Variants in CTPS2 observed in about 807,000 individuals in gnomAD.
CTPS2 encodes the protein CTP synthase 2, also known as CTP synthase II.
Under a neutral mutation model 46.8 loss-of-function variants are expected in CTPS2, and 19 were observed. The ratio of observed to expected loss-of-function variants is 0.41; its 90% confidence interval spans 0.28 to 0.60. The LOEUF (loss-of-function observed/expected upper bound fraction) is 0.60. Ranked by LOEUF, CTPS2 falls within the 20% of genes least tolerant of loss-of-function variation. CTPS2 has a pLI of 0.35. For synonymous variants in CTPS2, 151 were observed against 165.2 expected (o/e 0.91, Z 0.66); for missense variants, 286 against 447.6 (o/e 0.64, Z 3.26).
intron 2 of CTPS2, among the ~76,000 whole-genome samples, chrX:16,701,850 C>T (rs899365518): frequency 8.2e-5 from 9 of 110,032 alleles, no homozygotes; most frequent in Non-Finnish European, 1.3e-4. Flanking sequence ...CCGCCCGCCT[C>T]AGCCTCCCAA....
At chrX:16,607,911 G>A (rs1602129665) in intron 17 of CTPS2, among the ~76,000 whole-genome samples, 2 of 113,170 alleles carry the variant, frequency 1.8e-5, no homozygotes, top group South Asian at 7.1e-4. Context: ...AACTAGTATT[G>A]AAATGTAATG....
At chrX:16,705,843 C>T (rs1289465165) in intron 1 of CTPS2, among the ~76,000 whole-genome samples, 1 of 111,234 alleles carries the variant, frequency 9.0e-6, no homozygotes, top group Non-Finnish European at 1.9e-5. Flanking sequence ...TGGCTCACCC[C>T]TGTAATCCCA....
intron 14 of CTPS2, among the ~76,000 whole-genome samples, chrX:16,635,372 AC>A (rs1931689005): frequency 1.8e-5 from 2 of 111,997 alleles, no homozygotes; most frequent in South Asian, 7.4e-4. Context: ...AGAAAAAAAA[AC>A]GTTCATAAAA....
chrX:16,624,070 C>T (rs926778619), intron 14 of CTPS2, among the ~76,000 whole-genome samples: 30 of 109,758 alleles, frequency 2.7e-4, no homozygotes, highest in African/African-American at 9.3e-4. Context: ...GGATTACAGG[C>T]GTGAGCCACC....
intron 8 of CTPS2, among the ~76,000 whole-genome samples, chrX:16,687,474 CAAAAAAA>C (rs35798035): frequency 3.8e-3 from 168 of 44,400 alleles, no homozygotes; most frequent in African/African-American, 0.013. Flanking sequence ...CACCCTGTGT[CAAAAAAA>C]AAAAAAAAAA....
chrX:16,636,344 G>A (rs1012061227), intron 14 of CTPS2, among the ~76,000 whole-genome samples: 3 of 111,758 alleles, frequency 2.7e-5, no homozygotes, highest in African/African-American at 9.8e-5. Flanking sequence ...GCGGTGAGCC[G>A]AGATCATGCC....
intron 2 of CTPS2, among the ~76,000 whole-genome samples, chrX:16,700,511 G>A (rs1419804057): frequency 5.8e-5 from 6 of 103,303 alleles, no homozygotes; most frequent in Admixed American, 1.1e-4. Flanking sequence ...GCAGTGAGCC[G>A]AGGTCACACC....
At chrX:16,670,774 C>G in intron 10 of CTPS2, 100 bp from the exon 11 acceptor site, 1 of 512,735 alleles carries the variant, frequency 2.0e-6, no homozygotes. Flanking sequence ...TCACTAGTGA[C>G]TATGCTCAAG....
At chrX:16,615,486 TC>T (rs1196516146) in intron 16 of CTPS2, among the ~76,000 whole-genome samples, 1 of 111,717 alleles carries the variant, frequency 9.0e-6, no homozygotes, top group Non-Finnish European at 1.9e-5. Context: ...CTGTGATGTT[TC>T]CCCCGCCTTT....
intron 13 of CTPS2, among the ~76,000 whole-genome samples, chrX:16,647,945 A>G (rs1238714215): frequency 1.8e-5 from 2 of 109,883 alleles, no homozygotes; most frequent in East Asian, 2.9e-4. Context: ...CACAAAATAT[A>G]TATATATGTA....
intron 13 of CTPS2, among the ~76,000 whole-genome samples, chrX:16,647,686 C>A (rs1379614687): frequency 1.8e-5 from 2 of 111,389 alleles, no homozygotes; most frequent in East Asian, 5.6e-4. Context: ...TATATACATA[C>A]ACACGTCATA....
At chrX:16,637,302 T>TCAAC (rs1931804215) in intron 14 of CTPS2, among the ~76,000 whole-genome samples, 1 of 111,639 alleles carries the variant, frequency 9.0e-6, no homozygotes, top group East Asian at 2.8e-4. Flanking sequence ...CACTGCAGCC[T>TCAAC]CAACCTCTTG....
intron 8 of CTPS2, 63 bp from the exon 9 acceptor site, chrX:16,683,289 G>A (rs1922888951): frequency 1.8e-6 from 2 of 1,117,555 alleles, no homozygotes; most frequent in Non-Finnish European, 2.5e-6. Context: ...ACAGAACAAT[G>A]GCAGCTGCTG....
chrX:16,618,637 C>T (rs1930656946), intron 15 of CTPS2, among the ~76,000 whole-genome samples: 1 of 111,792 alleles, frequency 8.9e-6, no homozygotes, highest in Non-Finnish European at 1.9e-5. Context: ...TGATTATAGC[C>T]AGCTTAGTGG....
At chrX:16,660,345 G>T (rs113782207) in intron 13 of CTPS2, among the ~76,000 whole-genome samples, 14,696 of 109,599 alleles carry the variant, frequency 0.13, 763 homozygotes, top group East Asian at 0.17. Flanking sequence ...GCATCCTGAG[G>T]AGCTGGGACT....
At chrX:16,704,950 A>C (rs1386918819) in intron 1 of CTPS2, among the ~76,000 whole-genome samples, 1 of 110,983 alleles carries the variant, frequency 9.0e-6, no homozygotes, top group African/African-American at 3.3e-5. Flanking sequence ...CTCCGTCTCA[A>C]AAAAACAAAA....
intron 13 of CTPS2, among the ~76,000 whole-genome samples, chrX:16,644,297 G>C (rs1001157720): frequency 9.9e-5 from 11 of 110,971 alleles, no homozygotes; most frequent in Non-Finnish European, 2.1e-4. Context: ...ACCATGCCCG[G>C]CTAATTTTTT....
intron 10 of CTPS2, among the ~76,000 whole-genome samples, chrX:16,671,381 T>C (rs1235008071): frequency 9.0e-6 from 1 of 111,219 alleles, no homozygotes; most frequent in African/African-American, 3.3e-5. Flanking sequence ...CCCTGAATTC[T>C]TTCTTGAGCA....
chrX:16,617,056 G>A (rs1930566928), intron 16 of CTPS2, 94 bp downstream of exon 16: 1 of 596,457 alleles, frequency 1.7e-6, no homozygotes, highest in Non-Finnish European at 2.7e-6. Flanking sequence ...GAGAAGAAAA[G>A]AAAGAATGCA....
Sources: allele counts gnomAD v4.1 joint callset (sites outside exome capture counted in the v4.1 genomes callset), GRCh38; gene constraint gnomAD v4.1.1; transcripts MANE v1.5; gene names NCBI Gene and HGNC (gene_info 2026-07-23, HGNC 2026-07-21).